COL4A4: variants seen among roughly 807,000 people sequenced by gnomAD.
The protein encoded by COL4A4 is collagen type IV alpha 4 chain.
COL4A4 carries 105 observed loss-of-function variants against 192.9 expected under a neutral mutation model. The ratio of observed to expected loss-of-function variants is 0.54; its 90% CI spans 0.46 to 0.64. COL4A4 has a LOEUF of 0.64. Among genes scored for constraint, COL4A4 ranks in the 30% least tolerant of loss-of-function variants. COL4A4 has a pLI of 0.00. For synonymous variants in COL4A4, 762 were observed against 769.9 expected (o/e 0.99, Z 0.17); for missense variants, 1,967 against 2,169.3 (o/e 0.91, Z 1.85).
chr2:226,980,616 T>C, the COL4A4 span, among the ~76,000 whole-genome samples: 1 of 152,190 alleles, frequency 6.6e-6, no homozygotes, highest in Non-Finnish European at 1.5e-5. Context: ...CCACACTTAA[T>C]TAAATCTGTA....
chr2:227,001,619 A>G (rs972232506), downstream of COL4A4, among the ~76,000 whole-genome samples: 1 of 152,196 alleles, frequency 6.6e-6, no homozygotes, highest in African/African-American at 2.4e-5. Flanking sequence ...TAAAAGTATT[A>G]TCTTTAGAAC....
At chr2:227,010,007 GT>G (rs2149740335) in intron 46 of COL4A4, among the ~76,000 whole-genome samples, 1 of 152,160 alleles carries the variant, frequency 6.6e-6, no homozygotes, top group South Asian at 2.1e-4. Context: ...TCATAACAGA[GT>G]TACATTTAAC....
chr2:227,155,893 G>A (rs893590039), intron 1 of COL4A4, among the ~76,000 whole-genome samples: 4 of 152,066 alleles, frequency 2.6e-5, no homozygotes, highest in Admixed American at 6.6e-5. Flanking sequence ...ATTACACTTC[G>A]CCATGTAATC....
chr2:227,024,340 ATCTCTACTAAAATTACAAGAAAT>A (rs2149882687), intron 43 of COL4A4, among the ~76,000 whole-genome samples: 1 of 152,286 alleles, frequency 6.6e-6, no homozygotes, highest in African/African-American at 2.4e-5. Context: ...GCGAAGCCCC[ATCTCTACTAAAATTACAAGAAAT>A]TAGCCAGGTG....
intron 1 of COL4A4, among the ~76,000 whole-genome samples, chr2:227,150,633 G>A (rs1039263819): frequency 1.3e-5 from 2 of 152,166 alleles, no homozygotes; most frequent in Non-Finnish European, 2.9e-5. Flanking sequence ...ATTTCCGCAT[G>A]GTTGGGGAGG....
At chr2:226,988,057 A>G in the COL4A4 span, among the ~76,000 whole-genome samples, 1 of 152,236 alleles carries the variant, frequency 6.6e-6, no homozygotes, top group African/African-American at 2.4e-5. Context: ...GATGAAAGTC[A>G]TAGCAGGTGG....
At chr2:227,114,833 C>T (rs978229593) in intron 7 of COL4A4, 137 bp from the exon 8 acceptor site, 3 of 727,136 alleles carry the variant, frequency 4.1e-6, no homozygotes, top group Admixed American at 2.2e-5. Flanking sequence ...TTTCTGTATC[C>T]TCTTCCATAT....
intron 14 of COL4A4, 60 bp from the exon 15 acceptor site, chr2:227,102,908 GCAATATTTCAGCAATAGGGA>G: frequency 2.7e-5 from 5 of 187,478 alleles, no homozygotes; most frequent in Admixed American, 8.9e-5. Context: ...AATAGGGAAA[GCAATATTTCAGCAATAGGGA>G]AAAAAAACAA....
At chr2:227,056,933 C>T (rs1261550138) in intron 29 of COL4A4, among the ~76,000 whole-genome samples, 1 of 152,118 alleles carries the variant, frequency 6.6e-6, no homozygotes, top group African/African-American at 2.4e-5. Context: ...TTATAAATTG[C>T]CTAGTTTAAG....
Position 227,032,057 on chromosome 2 carries a change from T to A in COL4A4, c.3707-2A>T, listed in dbSNP as rs770063929. ...CAGGACCAGGTGGTCCTGAACTCCCTAAGAAGAGACATGTTCACATGTTAT... is the reference window on the plus strand; with the variant it reads ...CAGGACCAGGTGGTCCTGAACTCCCAAAGAAGAGACATGTTCACATGTTAT... On this transcript the variant is annotated splice_acceptor_variant, in intron 39 of 47. Coordinates refer to ENST00000396625, the MANE Select transcript of COL4A4 (RefSeq NM_000092.5). LOFTEE classifies it high-confidence loss of function. 1 of 1,613,918 alleles carries A rather than the reference T, an allele frequency of 6.2e-7. No individual in the cohort carries two copies. Among genetic ancestry groups the A allele is most frequent in the Non-Finnish European group, 8.5e-7 (1 of 1,179,856 alleles).
intron 24 of COL4A4, among the ~76,000 whole-genome samples, chr2:227,079,286 C>T (rs1018490800): frequency 2.0e-5 from 3 of 152,168 alleles, no homozygotes; most frequent in African/African-American, 7.2e-5. Context: ...CCTCAGCGAA[C>T]GTTGAAATTC....
At chr2:227,059,726 G>A (rs1453735681) in intron 27 of COL4A4, 103 bp from the exon 28 acceptor site, 1 of 891,692 alleles carries the variant, frequency 1.1e-6, no homozygotes, top group Non-Finnish European at 1.8e-6. Context: ...AAAAACACAG[G>A]GGTACTTACT....
chr2:227,148,650 TTAATTTTATCAA>T (rs2063710208), intron 1 of COL4A4, among the ~76,000 whole-genome samples: 2 of 152,140 alleles, frequency 1.3e-5, no homozygotes, highest in Non-Finnish European at 2.9e-5. Flanking sequence ...GAGATAAAAT[TTAATTTTATCAA>T]TATAAAATAG....
At position 227,062,470 on chromosome 2, in the gene COL4A4, C is replaced by A; in HGVS notation, c.2056+60G>T. 3 of 1,023,924 alleles carry A rather than the reference C, an allele frequency of 2.9e-6. No homozygotes were observed. In the East Asian group the frequency reaches 7.3e-5, roughly 25 times the overall value. 63.4% of individuals were successfully genotyped at this position (1,023,924 alleles called of 1,614,324 possible). ...ATTCACTCTTGGTTTATCTGTCTGG[C>A]TGGTTTTTTTTTTTTTACTCTGGGA... On this transcript the variant is annotated intron_variant, in intron 26 of 47. Transcript: ENST00000396625.
Position 227,088,711 on chromosome 2 carries a change from C to G in COL4A4, c.1565G>C (p.Trp522Ser). 1 of 1,614,154 alleles carries G rather than the reference C, an allele frequency of 6.2e-7. No homozygotes were observed. The change falls in exon 22 of 48, where the codon TGG (tryptophan) becomes TCG (serine). Residue 522 changes from tryptophan (W) to serine (S), a missense_variant. Trp to Ser is a radical substitution (Grantham distance 177). Transcript: ENST00000396625. ...GSKGDLGLPG[W>S]LGTKGDPGPP... ...TCCTGGGTCACCTTTTGTTCCAAGC[C>G]AGCCAGGGAGCCCCAAGTCTCCCTT...
intron 42 of COL4A4, 94 bp downstream of exon 42, chr2:227,027,808 A>G: frequency 1.1e-6 from 1 of 901,614 alleles, no homozygotes; most frequent in Non-Finnish European, 1.9e-6. Flanking sequence ...AATAATAAGA[A>G]TGTGCTAGTA....
chr2:227,150,835 CAT>C (rs1191216184), intron 1 of COL4A4, among the ~76,000 whole-genome samples: 1 of 151,966 alleles, frequency 6.6e-6, no homozygotes, highest in African/African-American at 2.4e-5. Context: ...CCACCCTTGA[CAT>C]GTGGAGATTA....
At chr2:226,970,921 A>G in the COL4A4 span, among the ~76,000 whole-genome samples, 1 of 152,204 alleles carries the variant, frequency 6.6e-6, no homozygotes, top group African/African-American at 2.4e-5. Flanking sequence ...CCTGCCCCAC[A>G]TCATTTCAAG....
In COL4A4 at chr2:227,147,419, C is replaced by A; in HGVS notation, c.65G>T (p.Gly22Val). ...SFRLTKSLAT[G>V]PWSLILILFS... ...TCACACTGAGGATACTCACCAGGGA[C>A]CTGTGGCCAAGGACTTGGTCAATCT... Residue 22 changes from glycine (G) to valine (V), a missense_variant, in exon 2 of 48, where the codon GGT becomes GTT. By Grantham distance (109) the Gly-to-Val change is moderately radical (BLOSUM62 -3). Coordinates refer to ENST00000396625, the MANE Select transcript of COL4A4 (RefSeq NM_000092.5). The A allele has an allele frequency of 6.2e-7, 1 of 1,613,520 alleles. No individual in the cohort carries two copies. The highest frequency in any genetic ancestry group is 8.5e-7 in the Non-Finnish European group (1 of 1,179,596).
Sources: gnomAD v4.1 joint callset for allele counts (sites outside exome capture counted in the v4.1 genomes callset) on GRCh38, gnomAD v4.1.1 for gene constraint, MANE v1.5 for transcripts, NCBI Gene and HGNC (gene_info 2026-07-23, HGNC 2026-07-21) for gene names.